Variants in PEX5L observed in about 807,000 individuals in gnomAD.
The protein encoded by PEX5L is peroxisomal biogenesis factor 5 like, also known as PEX5-related protein.
Under a neutral mutation model 84.0 loss-of-function variants are expected in PEX5L, and 30 were observed. The observed-to-expected ratio is 0.36, with a 90% CI of 0.27 to 0.48. The LOEUF (loss-of-function observed/expected upper bound fraction) is 0.48. PEX5L is among the 20% of genes least tolerant of loss of function. The probability of loss-of-function intolerance (pLI) is 0.99; values close to 1 mark genes in which losing one functional copy is unlikely to be tolerated. For missense variants in PEX5L, 533 were observed against 754.6 expected, an observed-to-expected ratio of 0.71 and a Z score of 3.44; for synonymous variants, 270 against 283.1, an observed-to-expected ratio of 0.95 and a Z score of 0.46.
chr3:179,847,890 G>T (rs1187773040), intron 8 of PEX5L, among the ~76,000 whole-genome samples: 1 of 151,286 alleles, frequency 6.6e-6, no homozygotes, highest in South Asian at 2.1e-4. Flanking sequence ...TAGAGATAGG[G>T]TCTTGCCATA....
intron 2 of PEX5L, among the ~76,000 whole-genome samples, chr3:179,947,947 C>G (rs1375193934): frequency 6.6e-6 from 1 of 152,084 alleles, no homozygotes; most frequent in Non-Finnish European, 1.5e-5. Flanking sequence ...ACCTCATGAT[C>G]TGCCTGCCTC....
intron 3 of PEX5L, chr3:179,888,280 C>G (rs1756530494): frequency 1.8e-6 from 1 of 567,200 alleles, no homozygotes; most frequent in East Asian, 7.0e-5. Context: ...TTAAAAAGCT[C>G]AGGTCACCTA....
intron 4 of PEX5L, among the ~76,000 whole-genome samples, chr3:179,883,898 C>A (rs1366493153): frequency 6.6e-6 from 1 of 152,138 alleles, no homozygotes; most frequent in Non-Finnish European, 1.5e-5. Flanking sequence ...TAAGCATAGT[C>A]ATGATGCAAA....
At chr3:179,962,199 T>C (rs1391009095) in intron 2 of PEX5L, among the ~76,000 whole-genome samples, 1 of 152,176 alleles carries the variant, frequency 6.6e-6, no homozygotes, top group Non-Finnish European at 1.5e-5. Context: ...TACACACTTT[T>C]CTCAAATGAC....
intron 1 of PEX5L, among the ~76,000 whole-genome samples, chr3:179,989,863 G>A (rs1394733818): frequency 6.6e-6 from 1 of 152,170 alleles, no homozygotes; most frequent in African/African-American, 2.4e-5. Flanking sequence ...TATCAATATA[G>A]AGGTGCCCTG....
At chr3:180,035,082 T>C (rs1330455505) in intron 1 of PEX5L, among the ~76,000 whole-genome samples, 1 of 152,188 alleles carries the variant, frequency 6.6e-6, no homozygotes, top group Non-Finnish European at 1.5e-5. Context: ...CCCTTAGTGG[T>C]CAATTGTCAA....
rs149508271 is a variant in PEX5L, at chr3:179,995,983, G to A, written c.22-24318C>T. 5.4e-3 allele frequency among the ~76,000 whole-genome samples: 822 copies of A among 152,244 alleles called. 7 individuals carry two copies. The highest frequency in any genetic ancestry group is 0.019 in the African/African-American group (778 of 41,540). ...CAGAAGAAACAGCTTCCCCATTCCC[G>A]TAAAGTGGCAACATCCCCTTTCCAA... is the stretch of plus-strand genomic sequence containing the variant. On this transcript the variant is annotated intron_variant, in intron 1 of 14. Coordinates refer to ENST00000467460, the MANE Select transcript of PEX5L (RefSeq NM_016559.3).
intron 3 of PEX5L, among the ~76,000 whole-genome samples, chr3:179,894,869 A>G (rs1267978331): frequency 6.6e-6 from 1 of 152,120 alleles, no homozygotes; most frequent in African/African-American, 2.4e-5. Flanking sequence ...CTAAAAAAGT[A>G]TCTAGGAGAT....
chr3:180,016,621 T>G (rs1789971710), intron 1 of PEX5L, among the ~76,000 whole-genome samples: 1 of 152,146 alleles, frequency 6.6e-6, no homozygotes, highest in South Asian at 2.1e-4. Flanking sequence ...GCTCCAGAGG[T>G]GACAGTGCTC....
rs9862552 is a variant in PEX5L, at chr3:179,869,554, G to A, written c.726+4773C>T. Among the ~76,000 whole-genome samples, 1,185 of 152,270 alleles carry A rather than the reference G, an allele frequency of 7.8e-3. 18 individuals are homozygous for A. Among genetic ancestry groups the A allele is most frequent in the African/African-American group, 0.027 (1,126 of 41,550 alleles). On this transcript the variant is annotated intron_variant, in intron 7 of 14. Transcript: ENST00000467460. ...GTACCCCAAAACATGGCACTTGGAC[G>A]TGCCGGGTACTTTGAACTAAAGAGG...
At chr3:179,885,577 C>A (rs1360899800) in intron 4 of PEX5L, among the ~76,000 whole-genome samples, 1 of 147,256 alleles carries the variant, frequency 6.8e-6, no homozygotes. Context: ...ACCCAGGAGG[C>A]GGAGGTTGCA....
intron 2 of PEX5L, among the ~76,000 whole-genome samples, chr3:179,940,788 A>G (rs1277334799): frequency 2.0e-5 from 3 of 152,260 alleles, no homozygotes; most frequent in Non-Finnish European, 2.9e-5. Context: ...AGCTTAAATA[A>G]TACATTGGTA....
chr3:179,813,717 C>T (rs1005007281), intron 10 of PEX5L, among the ~76,000 whole-genome samples: 4 of 145,724 alleles, frequency 2.7e-5, no homozygotes, highest in East Asian at 2.1e-4. Context: ...TAGCCCAGGC[C>T]GGACTGCGGA....
At chr3:179,911,836 C>T (rs1765290362) in intron 2 of PEX5L, among the ~76,000 whole-genome samples, 1 of 152,078 alleles carries the variant, frequency 6.6e-6, no homozygotes, top group Non-Finnish European at 1.5e-5. Flanking sequence ...GTTAGGAAAT[C>T]TATCCAACCA....
intron 1 of PEX5L, among the ~76,000 whole-genome samples, chr3:179,993,650 C>T (rs1271192105): frequency 6.6e-6 from 1 of 152,094 alleles, no homozygotes; most frequent in Non-Finnish European, 1.5e-5. Flanking sequence ...CAGGCACACA[C>T]CACCACACCC....
At chr3:179,905,334 G>C (rs921609843) in intron 2 of PEX5L, among the ~76,000 whole-genome samples, 1 of 150,842 alleles carries the variant, frequency 6.6e-6, no homozygotes, top group Admixed American at 6.6e-5. Context: ...GTGCAGTGGC[G>C]CGATCTTGGC....
intron 1 of PEX5L, among the ~76,000 whole-genome samples, chr3:180,027,114 G>GGCAGCA (rs59468962): frequency 1.3e-5 from 2 of 151,412 alleles, no homozygotes; most frequent in South Asian, 2.1e-4. Flanking sequence ...GGTTTCTGTG[G>GGCAGCA]GCAGCAGCAG....
chr3:179,934,991 G>T (rs936247124), intron 2 of PEX5L, among the ~76,000 whole-genome samples: 1 of 151,750 alleles, frequency 6.6e-6, no homozygotes, highest in African/African-American at 2.4e-5. Flanking sequence ...AAATAACTTG[G>T]CCATGAATAA....
intron 2 of PEX5L, among the ~76,000 whole-genome samples, chr3:179,961,189 T>TTGTGTA (rs199506643): frequency 2.1e-5 from 3 of 144,742 alleles, no homozygotes. Context: ...GAATGATCAC[T>TTGTGTA]TGTGTATGTG....
Sources: gnomAD v4.1 joint callset for allele counts (sites outside exome capture counted in the v4.1 genomes callset) on GRCh38, gnomAD v4.1.1 for gene constraint, MANE v1.5 for transcripts, NCBI Gene and HGNC (gene_info 2026-07-23, HGNC 2026-07-21) for gene names.